SEC24D: variants seen among roughly 807,000 people sequenced by gnomAD.
SEC24D encodes the protein protein transport protein Sec24D.
In SEC24D, 69 loss-of-function variants were observed where a neutral mutation model predicts 116.9. The ratio of observed to expected loss-of-function variants is 0.59; its 90% confidence interval spans 0.49 to 0.72. The LOEUF is 0.72. Among genes scored for constraint, SEC24D ranks in the 30% least tolerant of loss-of-function variants. The probability of loss-of-function intolerance (pLI) is 0.00; values close to 1 mark genes in which losing one functional copy is unlikely to be tolerated. For missense variants in SEC24D, 1,131 were observed against 1,264.1 expected (o/e 0.89, Z 1.60); for synonymous variants, 405 against 442.8 (o/e 0.91, Z 1.07).
At chr4:118,822,836 G>A (rs1364641527) in intron 3 of SEC24D, among the ~76,000 whole-genome samples, 2 of 152,062 alleles carry the variant, frequency 1.3e-5, no homozygotes, top group South Asian at 4.1e-4. Context: ...GCCTCCCAAA[G>A]TGTTGGGATT....
intron 8 of SEC24D, among the ~76,000 whole-genome samples, chr4:118,793,602 T>A (rs1729045334): frequency 6.6e-6 from 1 of 152,132 alleles, no homozygotes; most frequent in Non-Finnish European, 1.5e-5. Flanking sequence ...TCCAGCTACA[T>A]GCCCAAAAAG....
At chr4:118,772,762 G>A (rs1197032457) in intron 8 of SEC24D, among the ~76,000 whole-genome samples, 4 of 152,106 alleles carry the variant, frequency 2.6e-5, no homozygotes, top group African/African-American at 7.2e-5. Context: ...CCTGGCACAC[G>A]GCAGTACACT....
At chr4:118,783,048 C>T (rs534561920) in intron 8 of SEC24D, among the ~76,000 whole-genome samples, 368 of 152,326 alleles carry the variant, frequency 2.4e-3, no homozygotes, top group Admixed American at 4.4e-3. Context: ...TCCCCTGACC[C>T]CTTGGGCTTC....
chr4:118,828,980 A>G (rs1468368004), intron 2 of SEC24D, among the ~76,000 whole-genome samples: 2 of 152,162 alleles, frequency 1.3e-5, no homozygotes, highest in African/African-American at 4.8e-5. Flanking sequence ...ATTCTCACTC[A>G]TGTTTCAGGG....
chr4:118,799,238 C>T (rs993587013), intron 7 of SEC24D, among the ~76,000 whole-genome samples: 4 of 152,164 alleles, frequency 2.6e-5, no homozygotes, highest in South Asian at 2.1e-4. Context: ...TGTGAGAGAG[C>T]GTGATGGTCA....
At chr4:118,774,459 A>T (rs916292870) in intron 8 of SEC24D, among the ~76,000 whole-genome samples, 5 of 152,188 alleles carry the variant, frequency 3.3e-5, no homozygotes, top group Admixed American at 6.5e-5. Context: ...TGAGGGGCTA[A>T]CAACCCAGGG....
Position 118,824,671 on chromosome 4 carries a change from G to A in SEC24D, c.197C>T (p.Pro66Leu). ...MLPPGPPPPG[P>L]HQFGQNGAHA... ...AGCTCCATTCTGACCAAACTGATGG[G>A]GTCCAGGAGGTGGGGGACCCGGAGG... Residue 66 changes from proline (P) to leucine (L), a missense_variant, in exon 3 of 23, where the codon CCC becomes CTC. Transcript: ENST00000280551. 2 of 1,608,756 alleles carry A rather than the reference G, an allele frequency of 1.2e-6. No individual in the cohort carries two copies. Among genetic ancestry groups the A allele is most frequent in the African/African-American group, 1.3e-5 (1 of 74,710 alleles).
intron 13 of SEC24D, among the ~76,000 whole-genome samples, 199 bp downstream of exon 13, chr4:118,751,797 A>C (rs1248124544): frequency 1.3e-5 from 2 of 152,228 alleles, no homozygotes; most frequent in East Asian, 1.9e-4. Flanking sequence ...AGATGCTAAC[A>C]GTGCTGGAAT....
At chr4:118,797,012 G>A (rs917077513) in intron 8 of SEC24D, among the ~76,000 whole-genome samples, 1 of 152,138 alleles carries the variant, frequency 6.6e-6, no homozygotes, top group Non-Finnish European at 1.5e-5. Context: ...GTTTCTGTGC[G>A]CATGTGGGCA....
At chr4:118,729,561 T>C (rs530501188) in intron 21 of SEC24D, 5 of 152,214 alleles carry the variant, frequency 3.3e-5, no homozygotes, top group Non-Finnish European at 7.3e-5. Context: ...CTACCAAATG[T>C]TGATTTCTCA....
At chr4:118,814,344 T>C (rs910440400) in intron 6 of SEC24D, among the ~76,000 whole-genome samples, 7 of 152,164 alleles carry the variant, frequency 4.6e-5, no homozygotes, top group East Asian at 1.9e-4. Context: ...TCCTCAGTAG[T>C]GTTTGCCTCT....
intron 9 of SEC24D, among the ~76,000 whole-genome samples, chr4:118,766,064 C>T (rs1727629593): frequency 1.3e-5 from 2 of 152,162 alleles, no homozygotes; most frequent in South Asian, 4.1e-4. Context: ...GATGCTGCCT[C>T]GGCTATCTTA....
rs1042921981 is a variant in SEC24D at position 118,747,301 on chromosome 4, T to C, written c.1708-2241A>G. ...TTTTTTTGAGATGAAGTTTTGCTCT[T>C]GTTGCCCCAGGGTGGAGTGCAATGG... On this transcript the variant is annotated intron_variant, in intron 13 of 22. Coordinates refer to ENST00000280551, the MANE Select transcript of SEC24D (RefSeq NM_014822.4). Among the ~76,000 whole-genome samples, 6 of 150,948 alleles carry C rather than the reference T, an allele frequency of 4.0e-5. No homozygotes were observed. The South Asian group carries it at 1.3e-3, about 32-fold the overall frequency.
chr4:118,763,002 G>C (rs1288541176), intron 10 of SEC24D, among the ~76,000 whole-genome samples: 1 of 152,110 alleles, frequency 6.6e-6, no homozygotes, highest in Non-Finnish European at 1.5e-5. Flanking sequence ...TTATACTATG[G>C]TTGCAAAGAT....
intron 8 of SEC24D, among the ~76,000 whole-genome samples, chr4:118,784,811 TATTGAGAGAAAC>T (rs1388341556): frequency 7.0e-6 from 1 of 142,884 alleles, no homozygotes; most frequent in African/African-American, 2.7e-5. Context: ...TGTGAGATGA[TATTGAGAGAAAC>T]ACTGGAGTGG....
intron 7 of SEC24D, among the ~76,000 whole-genome samples, chr4:118,799,287 G>C (rs1159858561): frequency 1.3e-5 from 2 of 152,202 alleles, no homozygotes; most frequent in East Asian, 3.8e-4. Flanking sequence ...GAAACCAGAA[G>C]CATAAAATTG....
At chr4:118,764,060 G>A (rs187222802) in intron 10 of SEC24D, among the ~76,000 whole-genome samples, 246 of 152,290 alleles carry the variant, frequency 1.6e-3, no homozygotes, top group Non-Finnish European at 2.4e-3. Flanking sequence ...ACTCTGGTCA[G>A]ATGAACATCT....
intron 13 of SEC24D, among the ~76,000 whole-genome samples, 172 bp from the exon 14 acceptor site, chr4:118,745,232 G>T (rs975922620): frequency 1.3e-5 from 2 of 152,036 alleles, no homozygotes; most frequent in African/African-American, 4.8e-5. Context: ...CTATTTTACA[G>T]ATTAGAAAAC....
chr4:118,743,356 TACACAC>T (rs34621125), intron 15 of SEC24D, among the ~76,000 whole-genome samples: 4 of 143,070 alleles, frequency 2.8e-5, no homozygotes, highest in Non-Finnish European at 1.5e-5. Context: ...TATATATATA[TACACAC>T]ACACACACAC....
Sources: allele counts gnomAD v4.1 joint callset (sites outside exome capture counted in the v4.1 genomes callset), GRCh38; gene constraint gnomAD v4.1.1; transcripts MANE v1.5; gene names NCBI Gene and HGNC (gene_info 2026-07-23, HGNC 2026-07-21).